The following COPS4 variants were observed in gnomAD, a reference collection of about 807,000 sequenced individuals.
COPS4 encodes COP9 signalosome complex subunit 4.
COPS4 carries 8 observed loss-of-function variants against 55.1 expected under a neutral mutation model. That is an observed-to-expected ratio of 0.15 (90% confidence interval 0.09 to 0.26). The LOEUF (loss-of-function observed/expected upper bound fraction) is 0.26. Ranked by LOEUF, COPS4 falls within the 10% of genes least tolerant of loss-of-function variation. The pLI is 1.00. For synonymous variants in COPS4, 185 were observed against 165.7 expected (o/e 1.12, Z -0.90); for missense variants, 248 against 484.0 (o/e 0.51, Z 4.58).
At chr4:83,046,653 G>A (rs1186105972) in intron 2 of COPS4, among the ~76,000 whole-genome samples, 1 of 152,142 alleles carries the variant, frequency 6.6e-6, no homozygotes, top group African/African-American at 2.4e-5. Context: ...ATGTCTGTAG[G>A]CCATTATCCT....
At chr4:83,055,447 CTTTT>C (rs5859854) in intron 4 of COPS4, among the ~76,000 whole-genome samples, 1 of 134,882 alleles carries the variant, frequency 7.4e-6, no homozygotes, top group African/African-American at 2.7e-5. Context: ...AGTATTCTAC[CTTTT>C]TTTTTTTTTT....
At chr4:83,067,524 C>CTTT (rs34638314) in intron 8 of COPS4, among the ~76,000 whole-genome samples, 6 of 129,790 alleles carry the variant, frequency 4.6e-5, no homozygotes, top group Admixed American at 2.4e-4. Flanking sequence ...ACGCCCAGCC[C>CTTT]TTTTTTTTTT....
chr4:83,058,989 A>G (rs1271988306), intron 6 of COPS4, among the ~76,000 whole-genome samples: 1 of 152,212 alleles, frequency 6.6e-6, no homozygotes, highest in African/African-American at 2.4e-5. Flanking sequence ...TGGTAGATGA[A>G]AAACAGTATC....
At chr4:83,048,634 A>G (rs1032395049) in intron 2 of COPS4, among the ~76,000 whole-genome samples, 1 of 151,936 alleles carries the variant, frequency 6.6e-6, no homozygotes, top group Non-Finnish European at 1.5e-5. Flanking sequence ...AAGATTTTTT[A>G]ATTAATTAAT....
chr4:83,071,900 C>G (rs969950750), intron 9 of COPS4, among the ~76,000 whole-genome samples: 1 of 151,514 alleles, frequency 6.6e-6, no homozygotes, highest in Non-Finnish European at 1.5e-5. Context: ...TTAATAGAGA[C>G]GGGGTTTCAC....
In COPS4 at chr4:83,066,490, C is replaced by A; in HGVS notation, c.939C>A (p.Ser313Arg). Reference protein sequence around the residue: ...AVIEHNLLSASKLYNNITFEE... With the variant: ...AVIEHNLLSARKLYNNITFEE... ...TTGAACACAATTTGTTGTCTGCAAGCAAATTATATAATAATATTACCTTCG... is the reference window on the plus strand; with the variant it reads ...TTGAACACAATTTGTTGTCTGCAAGAAAATTATATAATAATATTACCTTCG... The change falls in exon 8 of 10, where the codon AGC becomes AGA. Residue 313 changes from serine (S) to arginine (R), a missense_variant. Physicochemically the swap from Ser to Arg is moderately radical, Grantham distance 110. Transcript: ENST00000264389. 6.2e-7 allele frequency: 1 copy of A among 1,600,810 alleles called. No individual in the cohort carries two copies. The highest frequency in any genetic ancestry group is 8.5e-7 in the Non-Finnish European group (1 of 1,173,820).
At chr4:83,057,141 T>A in intron 5 of COPS4, 62 bp downstream of exon 5, 1 of 1,516,140 alleles carries the variant, frequency 6.6e-7, no homozygotes, top group Non-Finnish European at 9.1e-7. Context: ...ACTAAGATGT[T>A]CCAGGACATC....
In COPS4 at chr4:83,043,782, A is replaced by T. The variant is rs1364853018; in HGVS notation, c.75-1844A>T. 4.6e-5 allele frequency among the ~76,000 whole-genome samples: 7 copies of T among 152,298 alleles called. No homozygotes were observed. The East Asian group carries it at 1.3e-3, about 29-fold the overall frequency. On this transcript the variant is annotated intron_variant, in intron 1 of 9. Coordinates refer to ENST00000264389, the MANE Select transcript of COPS4 (RefSeq NM_016129.3). Reference sequence around the variant, plus strand: ...CCATAAAGTAATTTATCTTTTAAGGACCCTCAAACTTAGCAATATTGAAAA... The same window carrying T: ...CCATAAAGTAATTTATCTTTTAAGGTCCCTCAAACTTAGCAATATTGAAAA...
At chr4:83,052,699 C>T (rs1730915872) in intron 4 of COPS4, among the ~76,000 whole-genome samples, 1 of 152,080 alleles carries the variant, frequency 6.6e-6, no homozygotes, top group African/African-American at 2.4e-5. Flanking sequence ...CAGTGTCCGT[C>T]TCCTAGCATC....
intron 7 of COPS4, 27 bp downstream of exon 7, chr4:83,063,273 GGTA>G (rs768248306): frequency 1.9e-6 from 3 of 1,562,714 alleles, no homozygotes; most frequent in East Asian, 4.6e-5. Flanking sequence ...ATGTGTATAT[GGTA>G]GTCAATGTTT....
intron 7 of COPS4, among the ~76,000 whole-genome samples, chr4:83,064,869 C>CTTTTTTTT (rs140166684): frequency 3.3e-4 from 24 of 73,628 alleles, no homozygotes; most frequent in African/African-American, 7.8e-4. Context: ...TAAGCAGTCC[C>CTTTTTTTT]TTTTTTTTTT....
rs773327561 is a variant in COPS4 at position 83,035,247 on chromosome 4, A to G, written c.23A>G (p.Asp8Gly). 1.9e-6 allele frequency: 3 copies of G among 1,573,604 alleles called. No homozygotes were observed. In the African/African-American group the frequency reaches 4.1e-5, roughly 21 times the overall value. ...AAGATGGCGGCAGCCGTGCGACAGG[A>G]TTTGGCCCAGCTCATGAATTCGAGC... MAAAVRQ[D>G]LAQLMNSSGS... The change falls in exon 1 of 10, where the codon GAT becomes GGT. Residue 8 changes from aspartate to glycine, a missense_variant. This residue lies in a region of COPS4 where 55 missense variants were observed against 62.8 expected (regional missense o/e 0.88). Transcript: ENST00000264389.
At chr4:83,041,710 G>A (rs182469227) in intron 1 of COPS4, among the ~76,000 whole-genome samples, 95 of 152,086 alleles carry the variant, frequency 6.2e-4, no homozygotes, top group African/African-American at 2.1e-3. Context: ...TCAAGCGATC[G>A]TCTTCCTTGG....
At chr4:83,046,473 C>T (rs1446451107) in intron 2 of COPS4, among the ~76,000 whole-genome samples, 1 of 152,092 alleles carries the variant, frequency 6.6e-6, no homozygotes, top group Non-Finnish European at 1.5e-5. Context: ...CAAAAAGAAA[C>T]CCCACATGCA....
chr4:83,047,414 G>T (rs1019173096), intron 2 of COPS4, among the ~76,000 whole-genome samples: 1 of 134,684 alleles, frequency 7.4e-6, no homozygotes, highest in South Asian at 2.6e-4. Context: ...AATTAGCCTG[G>T]CGTGGTGATG....
At chr4:83,068,701 G>A (rs892023757) in intron 9 of COPS4, among the ~76,000 whole-genome samples, 179 bp downstream of exon 9, 2 of 152,130 alleles carry the variant, frequency 1.3e-5, no homozygotes, top group African/African-American at 2.4e-5. Context: ...TGGGCATGGC[G>A]GCTCATGCCT....
intron 9 of COPS4, among the ~76,000 whole-genome samples, chr4:83,072,734 T>C (rs1241533802): frequency 2.0e-5 from 3 of 152,238 alleles, no homozygotes; most frequent in Admixed American, 6.5e-5. Flanking sequence ...ATCTTTGACA[T>C]ATCTGATTAG....
At chr4:83,071,731 A>G (rs1731436080) in intron 9 of COPS4, among the ~76,000 whole-genome samples, 1 of 146,510 alleles carries the variant, frequency 6.8e-6, no homozygotes, top group African/African-American at 2.5e-5. Flanking sequence ...TTTTTTTTTG[A>G]GATGGGAGTC....
chr4:83,070,419 G>A (rs1039359023), intron 9 of COPS4, among the ~76,000 whole-genome samples: 1 of 152,168 alleles, frequency 6.6e-6, no homozygotes, highest in South Asian at 2.1e-4. Flanking sequence ...ATCTTAGCAT[G>A]AACATATCAA....
Sources: gnomAD v4.1 joint callset for allele counts (sites outside exome capture counted in the v4.1 genomes callset) on GRCh38, gnomAD v4.1.1 for gene constraint, gnomAD v4.1.1 regional missense constraint, MANE v1.5 for transcripts, NCBI Gene and HGNC (gene_info 2026-07-23, HGNC 2026-07-21) for gene names.